SOBP: variants seen among roughly 807,000 people sequenced by gnomAD.
The protein encoded by SOBP is sine oculis-binding protein homolog.
A neutral mutation model predicts 53.6 loss-of-function variants in SOBP; 4 were observed. The observed-to-expected ratio is 0.07, with a 90% CI of 0.04 to 0.17. The LOEUF is 0.17. Among genes scored for constraint, SOBP ranks in the 10% least tolerant of loss-of-function variants. The probability of loss-of-function intolerance (pLI) is 1.00; values close to 1 mark genes in which losing one functional copy is unlikely to be tolerated. For missense variants in SOBP, 1,088 were observed against 1,204.7 expected, an observed-to-expected ratio of 0.90 and a Z score of 1.43; for synonymous variants, 584 against 522.6, an observed-to-expected ratio of 1.12 and a Z score of -1.60.
At chr6:107,623,488 A>G (rs1770311833) in intron 5 of SOBP, among the ~76,000 whole-genome samples, 1 of 152,152 alleles carries the variant, frequency 6.6e-6, no homozygotes, top group Admixed American at 6.5e-5. Flanking sequence ...AGTAGGGAAT[A>G]CCATAAAGAA....
intron 4 of SOBP, among the ~76,000 whole-genome samples, chr6:107,548,517 CAGGCGTG>C (rs1178041773): frequency 6.6e-6 from 1 of 152,114 alleles, no homozygotes; most frequent in Non-Finnish European, 1.5e-5. Flanking sequence ...GCTGGGATTA[CAGGCGTG>C]AGCCACCGCG....
At chr6:107,619,076 C>T (rs958010802) in intron 5 of SOBP, among the ~76,000 whole-genome samples, 2 of 152,058 alleles carry the variant, frequency 1.3e-5, no homozygotes, top group Non-Finnish European at 2.9e-5. Flanking sequence ...TGCGGAGGGG[C>T]CCATGTGTAG....
chr6:107,649,522 G>T (rs1443810077), intron 6 of SOBP, among the ~76,000 whole-genome samples: 1 of 152,028 alleles, frequency 6.6e-6, no homozygotes, highest in Non-Finnish European at 1.5e-5. Flanking sequence ...AAACCACAAT[G>T]GGAAGTACTT....
intron 6 of SOBP, among the ~76,000 whole-genome samples, chr6:107,637,359 C>T (rs1771092551): frequency 6.6e-6 from 1 of 152,240 alleles, no homozygotes; most frequent in Non-Finnish European, 1.5e-5. Flanking sequence ...AGAAAGGTTT[C>T]TCAGCCACCA....
At chr6:107,597,960 T>C (rs1786004988) in intron 5 of SOBP, among the ~76,000 whole-genome samples, 1 of 152,126 alleles carries the variant, frequency 6.6e-6, no homozygotes, top group African/African-American at 2.4e-5. Context: ...TCCCAAAAAG[T>C]GGAATTCACA....
chr6:107,586,595 T>TA (rs1248617374), intron 4 of SOBP, among the ~76,000 whole-genome samples: 3 of 152,024 alleles, frequency 2.0e-5, no homozygotes, highest in Admixed American at 6.6e-5. Context: ...GATCTTTATT[T>TA]AAAAATGGAG....
rs565302463 is a variant in SOBP, at chr6:107,642,155, A to G, written c.*3+6686A>G. On this transcript the variant is annotated intron_variant, in intron 6 of 6. Coordinates refer to ENST00000317357, the MANE Select transcript of SOBP (RefSeq NM_018013.4). ...CATCGTTTAACAGGGTCCCATTCTC[A>G]AGGAAATGGGGTAAATGCCATTTCA... Among the ~76,000 whole-genome samples the G allele has an allele frequency of 2.0e-5, 3 of 152,320 alleles. No homozygotes were observed. In the East Asian group the frequency reaches 5.8e-4, roughly 29 times the overall value.
At chr6:107,508,233 C>T (rs965371311) in intron 3 of SOBP, among the ~76,000 whole-genome samples, 2 of 152,188 alleles carry the variant, frequency 1.3e-5, no homozygotes, top group Non-Finnish European at 2.9e-5. Context: ...AAGTGTTACT[C>T]TCGTTTTTCT....
chr6:107,535,972 G>A (rs1775170559), intron 4 of SOBP, among the ~76,000 whole-genome samples: 1 of 152,058 alleles, frequency 6.6e-6, no homozygotes, highest in Non-Finnish European at 1.5e-5. Context: ...TAATTAAATT[G>A]TGGACTTTCT....
At chr6:107,542,970 G>C (rs1410063912) in intron 4 of SOBP, among the ~76,000 whole-genome samples, 1 of 151,778 alleles carries the variant, frequency 6.6e-6, no homozygotes, top group Non-Finnish European at 1.5e-5. Context: ...GCCTTCTCAA[G>C]CTCTAGCCTT....
chr6:107,544,445 A>C (rs1361539378), intron 4 of SOBP, among the ~76,000 whole-genome samples: 1 of 152,218 alleles, frequency 6.6e-6, no homozygotes, highest in Non-Finnish European at 1.5e-5. Flanking sequence ...ATGTTTATTT[A>C]AATAATAACG....
intron 1 of SOBP, among the ~76,000 whole-genome samples, chr6:107,499,225 G>A (rs565559985): frequency 6.6e-6 from 1 of 152,152 alleles, no homozygotes; most frequent in African/African-American, 2.4e-5. Context: ...TAGAAGATAT[G>A]TATTTTAGTT....
rs115574687 is a variant in SOBP at position 107,490,397 on chromosome 6, A to G, written c.-220A>G. 28,953 of 439,100 alleles carry G rather than the reference A, an allele frequency of 0.066. 1,329 individuals carry two copies. The highest frequency in any genetic ancestry group is 0.089 in the Non-Finnish European group (21,228 of 237,960). The allele number at this position is 439,100 out of a possible 1,614,324, so 27.2% of individuals were successfully genotyped here. A position where few individuals can be genotyped will look rare whatever the true frequency, so the allele number is the denominator to read the frequency against. The stretch of plus-strand genomic sequence containing the variant: ...CGGCATCCCCGAGACTCTCCGCACT[A>G]TCCTTACCCGTGACAGCCACTGACG... On this transcript the variant is annotated 5_prime_UTR_variant, in exon 1 of 7. Transcript: ENST00000317357.
chr6:107,565,549 T>C (rs1784891633), intron 4 of SOBP, among the ~76,000 whole-genome samples: 2 of 152,110 alleles, frequency 1.3e-5, no homozygotes, highest in Non-Finnish European at 2.9e-5. Flanking sequence ...GACGTAAAGC[T>C]GACCCACTTC....
Position 107,634,595 on chromosome 6 carries a change from C to T in SOBP, c.1751C>T (p.Pro584Leu). The change falls in exon 6 of 7, where the codon CCC becomes CTC. Residue 584 changes from proline to leucine, a missense_variant. By Grantham distance (98) the Pro-to-Leu change is moderately conservative. Around this residue, in one of 6 missense-constraint regions of SOBP, gnomAD observed 665 missense variants for 629.7 expected, o/e 1.06. Transcript: ENST00000317357. This position sits in a 1 kb window ranked among gnomAD's most constrained non-coding sequence, Gnocchi z 4.5. Reference sequence around the variant, plus strand: ...AAGCCAAGCGGACACTCCCTGTCCCCCCGGGACTCCAAGCAGGGCTCGTCC... The same window carrying T: ...AAGCCAAGCGGACACTCCCTGTCCCTCCGGGACTCCAAGCAGGGCTCGTCC... Reference protein sequence around the residue: ...GGKPSGHSLSPRDSKQGSSKS... With the variant: ...GGKPSGHSLSLRDSKQGSSKS... 1 of 1,601,850 alleles carries T rather than the reference C, an allele frequency of 6.2e-7. No homozygotes were observed. The highest frequency in any genetic ancestry group is 2.2e-5 in the East Asian group (1 of 44,710).
chr6:107,498,917 A>G (rs1782765600), intron 1 of SOBP, among the ~76,000 whole-genome samples: 1 of 152,218 alleles, frequency 6.6e-6, no homozygotes. Flanking sequence ...GTAGAAGTAC[A>G]AAGCAATTAG....
chr6:107,547,814 A>T (rs1784345446), intron 4 of SOBP, among the ~76,000 whole-genome samples: 1 of 152,128 alleles, frequency 6.6e-6, no homozygotes, highest in South Asian at 2.1e-4. Flanking sequence ...AGTAGTTGTG[A>T]GCTGTTCCTG....
intron 3 of SOBP, 56 bp downstream of exon 3, chr6:107,506,483 A>G (rs930553627): frequency 6.3e-6 from 10 of 1,583,830 alleles, no homozygotes; most frequent in Non-Finnish European, 8.7e-6. Context: ...TGTTTTAACC[A>G]TCTTAGGAAT....
chr6:107,564,563 G>A (rs1018881354), intron 4 of SOBP, among the ~76,000 whole-genome samples: 19 of 107,270 alleles, frequency 1.8e-4, no homozygotes, highest in African/African-American at 7.7e-4. Context: ...TTCCCTCCTC[G>A]TATGTTAGTT....
Sources: allele counts gnomAD v4.1 joint callset (sites outside exome capture counted in the v4.1 genomes callset), GRCh38; gene constraint gnomAD v4.1.1; regional missense constraint gnomAD v4.1.1; non-coding constraint Gnocchi (gnomAD v3.1); transcripts MANE v1.5; gene names NCBI Gene and HGNC (gene_info 2026-07-23, HGNC 2026-07-21).